Variants in COL6A6 observed in about 807,000 individuals in gnomAD.
The protein encoded by COL6A6 is collagen type VI alpha 6 chain.
A neutral mutation model predicts 208.6 loss-of-function variants in COL6A6; 183 were observed. The observed-to-expected ratio is 0.88, with a 90% CI of 0.78 to 0.99. The LOEUF (loss-of-function observed/expected upper bound fraction) is 0.99. Among genes scored for constraint, COL6A6 ranks in the 50% least tolerant of loss-of-function variants. The pLI, the probability that COL6A6 is intolerant of heterozygous loss-of-function variation, is 0.00. For synonymous variants in COL6A6, 973 were observed against 1,011.8 expected (o/e 0.96, Z 0.73); for missense variants, 2,816 against 2,815.2 (o/e 1.00, Z -0.01).
chr3:130,633,881 A>G (rs2065016234), intron 26 of COL6A6, among the ~76,000 whole-genome samples: 1 of 35,136 alleles, frequency 2.8e-5, no homozygotes, highest in Non-Finnish European at 4.0e-5. Context: ...GAAGGGGAAT[A>G]TCACACTCTG....
intron 6 of COL6A6, among the ~76,000 whole-genome samples, chr3:130,569,310 G>A (rs749142322): frequency 6.6e-5 from 10 of 152,158 alleles, no homozygotes; most frequent in Non-Finnish European, 1.0e-4. Context: ...CTTGAGCAAC[G>A]GTTGCTTCAA....
At chr3:130,570,072 T>C (rs1350605706) in intron 6 of COL6A6, among the ~76,000 whole-genome samples, 1 of 152,222 alleles carries the variant, frequency 6.6e-6, no homozygotes, top group Admixed American at 6.5e-5. Context: ...TTCTCCAGAA[T>C]GGATGAGTTA....
chr3:130,570,654 G>A (rs2063140529), intron 6 of COL6A6, among the ~76,000 whole-genome samples, 164 bp from the exon 7 acceptor site: 1 of 152,098 alleles, frequency 6.6e-6, no homozygotes, highest in Non-Finnish European at 1.5e-5. Flanking sequence ...TATACTTCCA[G>A]CACCAATGTA....
intron 6 of COL6A6, among the ~76,000 whole-genome samples, chr3:130,569,443 G>C (rs2063107938): frequency 6.6e-6 from 1 of 152,092 alleles, no homozygotes; most frequent in Non-Finnish European, 1.5e-5. Flanking sequence ...CAATATAAGG[G>C]GCTGATTTAT....
intron 30 of COL6A6, 59 bp from the exon 31 acceptor site, chr3:130,642,927 TA>T: frequency 6.2e-7 from 1 of 1,613,242 alleles, no homozygotes; most frequent in Non-Finnish European, 8.5e-7. Context: ...TACTTATTTT[TA>T]AACCTCAGGG....
Position 130,642,972 on chromosome 3 carries a change from A to G in COL6A6, c.5191-15A>G. 1.9e-6 allele frequency: 3 copies of G among 1,613,730 alleles called. No individual in the cohort carries two copies. Among genetic ancestry groups the G allele is most frequent in the South Asian group, 1.1e-5 (1 of 91,052 alleles). ...TTTGTTGTTTAATTGTTTCTGTTTT[A>G]TTTTCGAACTGCAGACATGTGAGCT... On this transcript the variant is annotated splice_polypyrimidine_tract_variant and intron_variant, in intron 30 of 36. Coordinates refer to ENST00000358511, the MANE Select transcript of COL6A6 (RefSeq NM_001102608.3).
chr3:130,641,140 T>C (rs1406250848), intron 28 of COL6A6, among the ~76,000 whole-genome samples: 1 of 151,346 alleles, frequency 6.6e-6, no homozygotes, highest in East Asian at 1.9e-4. Flanking sequence ...GATAATAGGG[T>C]GTCCTGGTGG....
intron 1 of COL6A6, among the ~76,000 whole-genome samples, chr3:130,547,628 C>T (rs2062545933): frequency 6.6e-6 from 1 of 152,230 alleles, no homozygotes; most frequent in African/African-American, 2.4e-5. Context: ...ATGTGTCTGG[C>T]CTGCCCATAA....
At position 130,614,679 on chromosome 3, in the gene COL6A6, A is replaced by G. The variant is rs558198516; in HGVS notation, c.4815+3968A>G. ...TGGTAGGCTTTTTATTATTGAGTCA[A>G]CGTTGGAGCTTGTTATTGGTCTGTT... On this transcript the variant is annotated intron_variant, in intron 23 of 36. Coordinates refer to ENST00000358511, the MANE Select transcript of COL6A6 (RefSeq NM_001102608.3). 6.6e-4 allele frequency among the ~76,000 whole-genome samples: 100 copies of G among 152,048 alleles called. 1 individual carries two copies. Among genetic ancestry groups the G allele is most frequent in the Non-Finnish European group, 9.9e-4 (67 of 67,990 alleles).
chr3:130,658,556 C>T, intron 33 of COL6A6, 120 bp from the exon 34 acceptor site: 3 of 671,634 alleles, frequency 4.5e-6, no homozygotes, highest in Non-Finnish European at 8.0e-6. Context: ...GCTGTGCCTC[C>T]CCCGTACCTT....
At chr3:130,615,641 T>C (rs1258907542) in intron 23 of COL6A6, among the ~76,000 whole-genome samples, 4 of 152,202 alleles carry the variant, frequency 2.6e-5, no homozygotes. Context: ...AATAACTTGA[T>C]GAAAATAACT....
At chr3:130,604,494 C>CAAAAAA (rs559789872) in intron 20 of COL6A6, among the ~76,000 whole-genome samples, 1 of 83,980 alleles carries the variant, frequency 1.2e-5, no homozygotes, top group Non-Finnish European at 2.5e-5. Context: ...GACTCCGTCT[C>CAAAAAA]AAAAAAAAAA....
rs2064327997 is a variant in COL6A6 at position 130,610,652 on chromosome 3, C to T, written c.4756C>T (p.Pro1586Ser). The T allele has an allele frequency of 1.9e-6, 3 of 1,586,586 alleles. No homozygotes were observed. The highest frequency in any genetic ancestry group is 4.5e-5 in the East Asian group (2 of 44,034). ...TGCTTTAATTCTATGTACTTAGGGC[C>T]CAAGAGGAGAGGCTGGTGTGAAAGG... is the stretch of plus-strand genomic sequence containing the variant. The part of the protein sequence containing the change: ...GSLGLKGPQG[P>S]RGEAGVKGEK... The change falls in exon 23 of 37, where the codon CCA becomes TCA. Residue 1586 changes from proline (P) to serine (S), a missense_variant. Transcript: ENST00000358511.
In COL6A6 at chr3:130,626,537, G is replaced by A. The variant is rs139324337; in HGVS notation, c.4931G>A (p.Arg1644His). 644 of 1,612,232 alleles carry A rather than the reference G, an allele frequency of 4.0e-4. 2 individuals carry two copies. In the East Asian group the frequency reaches 0.013, roughly 32 times the overall value. ...GGAGCTGTTGGCTTTCCTGGTCCTC[G>A]TGGCTTGCAGGTTTGTATTTTGACA... The part of the protein sequence containing the change: ...EKGAVGFPGP[R>H]GLQGNDGSPG... The change falls in exon 25 of 37, where the codon CGT becomes CAT. Residue 1644 changes from arginine to histidine, a missense_variant. Transcript: ENST00000358511.
At chr3:130,533,985 C>T (rs1001255632) in intron 1 of COL6A6, among the ~76,000 whole-genome samples, 3 of 152,204 alleles carry the variant, frequency 2.0e-5, no homozygotes, top group Non-Finnish European at 4.4e-5. Context: ...CATTAATAGT[C>T]TGCAATTTTT....
chr3:130,643,866 T>G (rs1402250168), intron 31 of COL6A6, among the ~76,000 whole-genome samples: 1 of 152,220 alleles, frequency 6.6e-6, no homozygotes, highest in Non-Finnish European at 1.5e-5. Context: ...AAACTTTGAA[T>G]GCAGTGTCTA....
intron 33 of COL6A6, among the ~76,000 whole-genome samples, chr3:130,653,476 T>C (rs2065702764): frequency 1.3e-5 from 2 of 152,060 alleles, no homozygotes; most frequent in Non-Finnish European, 2.9e-5. Context: ...ATTCATTGTA[T>C]TTTTTCTTAG....
At position 130,527,890 on chromosome 3, in the gene COL6A6, CTTTTTTTTTTTT is replaced by C. The variant is rs56110472; in HGVS notation, c.-32+10507_-32+10518del. 8.6e-4 allele frequency among the ~76,000 whole-genome samples: 50 copies of C among 57,856 alleles called. No homozygotes were observed. In the South Asian group the frequency reaches 0.026, roughly 30 times the overall value. 38.0% of individuals were successfully genotyped at this position (57,856 alleles called of 152,430 possible). A position where few individuals can be genotyped will look rare whatever the true frequency, so the allele number is the denominator to read the frequency against. ...CAAGTTACTTCCAATGTTACTTTTC[CTTTTTTTTTTTT>C]TTTTTTTTTTTTTGGTTGTTGTTGT... On this transcript the variant is annotated intron_variant, in intron 1 of 36. Transcript: ENST00000358511.
chr3:130,664,991 TTTCTC>T lies in COL6A6; in HGVS notation c.6503-7_6503-3del, dbSNP rs1453802207. 1.3e-6 allele frequency: 2 copies of T among 1,553,190 alleles called. No individual in the cohort carries two copies. The highest frequency in any genetic ancestry group is 1.2e-5 in the South Asian group (1 of 86,312). On this transcript the variant is annotated splice_region_variant and splice_polypyrimidine_tract_variant and intron_variant, in intron 35 of 36. Coordinates refer to ENST00000358511, the MANE Select transcript of COL6A6 (RefSeq NM_001102608.3). ...ATGAATACAAGACTTATCACAGACT[TTTCTC>T]TTCTAGGTGCAATCAACAAATATCC...
Sources: gnomAD v4.1 joint callset for allele counts (sites outside exome capture counted in the v4.1 genomes callset) on GRCh38, gnomAD v4.1.1 for gene constraint, MANE v1.5 for transcripts, NCBI Gene and HGNC (gene_info 2026-07-23, HGNC 2026-07-21) for gene names.